The following SPEN variants were observed in gnomAD, a reference collection of about 807,000 sequenced individuals.
The protein encoded by SPEN is spen family transcriptional repressor.
SPEN carries 18 observed loss-of-function variants against 269.9 expected under a neutral mutation model. The observed-to-expected ratio is 0.07, with a 90% CI of 0.05 to 0.10. The LOEUF (loss-of-function observed/expected upper bound fraction) is 0.10. Ranked by LOEUF, SPEN falls within the 10% of genes least tolerant of loss-of-function variation. The pLI is 1.00. For synonymous variants in SPEN, 1,726 were observed against 1,765.7 expected (o/e 0.98, Z 0.56); for missense variants, 3,822 against 4,631.2 (o/e 0.83, Z 5.07).
intron 6 of SPEN, 93 bp from the exon 7 acceptor site, chr1:15,918,833 C>CT (rs1023790405): frequency 9.2e-6 from 10 of 1,084,568 alleles, no homozygotes; most frequent in Admixed American, 2.6e-5. Flanking sequence ...GAGAACATGA[C>CT]TTTTTTGAGA....
At chr1:15,882,078 A>C (rs927704226) in intron 3 of SPEN, among the ~76,000 whole-genome samples, 1 of 152,134 alleles carries the variant, frequency 6.6e-6, no homozygotes, top group African/African-American at 2.4e-5. Context: ...ATGGCAGTCT[A>C]GTTGTGAAGT....
chr1:15,883,506 C>A (rs963857416), intron 3 of SPEN, among the ~76,000 whole-genome samples: 1 of 151,906 alleles, frequency 6.6e-6, no homozygotes, highest in Admixed American at 6.6e-5. Flanking sequence ...ACTGCAACCT[C>A]CACCTCCCGG....
chr1:15,849,479 G>A (rs753982783), intron 1 of SPEN, among the ~76,000 whole-genome samples: 3 of 152,246 alleles, frequency 2.0e-5, no homozygotes, highest in Non-Finnish European at 4.4e-5. Flanking sequence ...GCGTCTGCGC[G>A]TGTCCGCGTG....
Position 15,934,903 on chromosome 1 carries a change from T to C in SPEN, c.8663T>C (p.Leu2888Pro). ...ANVATHSTLV[L>P]TAQTYNASPV... The stretch of plus-strand genomic sequence containing the variant: ...GTGGCCACCCATTCCACGTTGGTAC[T>C]GACCGCCCAGACATATAATGCCTCT... Residue 2888 changes from leucine (L) to proline (P), a missense_variant, in exon 11 of 15, where the codon CTG becomes CCG. Leu to Pro is a moderately conservative substitution (Grantham distance 98). Around this residue, in one of 16 missense-constraint regions of SPEN, gnomAD observed 329 missense variants for 431.2 expected, o/e 0.76. Transcript: ENST00000375759. This position sits in a 1 kb window ranked among gnomAD's most constrained non-coding sequence, Gnocchi z 9.2. The C allele has an allele frequency of 5.0e-6, 8 of 1,614,124 alleles. No homozygotes were observed. Among genetic ancestry groups the C allele is most frequent in the Non-Finnish European group, 6.8e-6 (8 of 1,180,022 alleles).
chr1:15,932,120 C>A lies in SPEN; in HGVS notation c.5880C>A (p.Ala1960=). 1 of 1,613,862 alleles carries A rather than the reference C, an allele frequency of 6.2e-7. No individual in the cohort carries two copies. The highest frequency in any genetic ancestry group is 8.5e-7 in the Non-Finnish European group (1 of 1,179,974). Reference sequence around the variant, plus strand: ...GGCCTCCAAAGACACGCCGGCGAGCCGATGAAGAGGAGGAGAACGAGGCCA... The same window carrying A: ...GGCCTCCAAAGACACGCCGGCGAGCAGATGAAGAGGAGGAGAACGAGGCCA... ...RGRPPKTRRR[A]DEEEENEAKE... The change falls in exon 11 of 15, where the codon GCC becomes GCA. Residue 1960 remains alanine (A), a synonymous_variant. Transcript: ENST00000375759. The surrounding 1 kb of genome is among the most constrained non-coding windows in gnomAD (Gnocchi z 4.2).
chr1:15,877,513 A>G (rs1398196219), intron 3 of SPEN, among the ~76,000 whole-genome samples: 1 of 152,000 alleles, frequency 6.6e-6, no homozygotes, highest in East Asian at 1.9e-4. Flanking sequence ...TGATTTGCCC[A>G]CCTCATCCTC....
intron 4 of SPEN, 59 bp downstream of exon 4, chr1:15,909,540 A>G (rs1008228075): frequency 1.6e-5 from 23 of 1,460,638 alleles, no homozygotes; most frequent in Non-Finnish European, 2.1e-5. Flanking sequence ...GAGGTATGAT[A>G]CTGCATTACA....
chr1:15,907,319 TA>T (rs1442374604), intron 3 of SPEN, among the ~76,000 whole-genome samples: 1 of 151,848 alleles, frequency 6.6e-6, no homozygotes, highest in Admixed American at 6.6e-5. Flanking sequence ...CTGTCTCCAC[TA>T]AAAATATAAA....
chr1:15,878,748 G>A (rs1388564827), intron 3 of SPEN, among the ~76,000 whole-genome samples: 2 of 152,082 alleles, frequency 1.3e-5, no homozygotes, highest in African/African-American at 2.4e-5. Context: ...GCTCACTCAC[G>A]CCTGTAATCC....
intron 1 of SPEN, among the ~76,000 whole-genome samples, chr1:15,850,427 C>G (rs953346798): frequency 2.0e-5 from 3 of 150,974 alleles, no homozygotes; most frequent in African/African-American, 7.3e-5. Flanking sequence ...TTAAACAAAT[C>G]TATTTAGTTG....
intron 3 of SPEN, among the ~76,000 whole-genome samples, chr1:15,908,189 A>AC (rs2070978474): frequency 6.6e-6 from 1 of 151,448 alleles, no homozygotes; most frequent in African/African-American, 2.5e-5. Flanking sequence ...ACTACTACTA[A>AC]CAGTAACTGA....
chr1:15,890,619 A>T (rs1364390127), intron 3 of SPEN, among the ~76,000 whole-genome samples: 1 of 146,916 alleles, frequency 6.8e-6, no homozygotes, highest in Non-Finnish European at 1.5e-5. Context: ...CTGGAGTGCA[A>T]TCTCTGCTCA....
chr1:15,869,872 A>AT (rs138543685), intron 1 of SPEN, among the ~76,000 whole-genome samples: 80 of 130,776 alleles, frequency 6.1e-4, no homozygotes, highest in East Asian at 6.1e-3. Context: ...ATAGTTATTG[A>AT]TTTTTTTTTT....
chr1:15,870,351 C>T (rs1001596177), intron 1 of SPEN, among the ~76,000 whole-genome samples: 1 of 152,158 alleles, frequency 6.6e-6, no homozygotes, highest in African/African-American at 2.4e-5. Flanking sequence ...GCTTGACACT[C>T]GTCCTCATTT....
intron 6 of SPEN, among the ~76,000 whole-genome samples, chr1:15,916,541 C>T (rs1159819673): frequency 1.6e-5 from 2 of 122,612 alleles, no homozygotes; most frequent in African/African-American, 6.4e-5. Context: ...GACAGAGTAT[C>T]ACTCTGTCTC....
rs181148747 is a variant in SPEN, at chr1:15,927,779, G to A, written c.1851-312G>A. ...AATTTTCTAGTAGCCACATTAAAAA[G>A]ACAAAGTGAAATTTTCTTTAATATA... is the stretch of plus-strand genomic sequence containing the variant. On this transcript the variant is annotated intron_variant, in intron 10 of 14. Transcript: ENST00000375759. Among the ~76,000 whole-genome samples, 335 of 152,248 alleles carry A rather than the reference G, an allele frequency of 2.2e-3. 1 individual carries two copies. Among genetic ancestry groups the A allele is most frequent in the African/African-American group, 7.7e-3 (319 of 41,558 alleles).
intron 10 of SPEN, among the ~76,000 whole-genome samples, chr1:15,926,878 G>C (rs2071172606): frequency 6.6e-6 from 1 of 152,102 alleles, no homozygotes; most frequent in South Asian, 2.1e-4. Context: ...ATTTTTAGTA[G>C]AGATGGGGTT....
chr1:15,916,412 T>C, intron 6 of SPEN, 133 bp downstream of exon 6: 1 of 925,980 alleles, frequency 1.1e-6, no homozygotes, highest in Non-Finnish European at 1.5e-6. Flanking sequence ...TAGCTCTTGC[T>C]AAAAGATAAT....
intron 1 of SPEN, among the ~76,000 whole-genome samples, chr1:15,863,906 G>T (rs1165477916): frequency 6.6e-6 from 1 of 152,112 alleles, no homozygotes; most frequent in African/African-American, 2.4e-5. Flanking sequence ...ATAGCCAAAA[G>T]GTGAATGCAT....
Sources: gnomAD v4.1 joint callset for allele counts (sites outside exome capture counted in the v4.1 genomes callset) on GRCh38, gnomAD v4.1.1 for gene constraint, gnomAD v4.1.1 regional missense constraint, Gnocchi (gnomAD v3.1) non-coding constraint, MANE v1.5 for transcripts, NCBI Gene and HGNC (gene_info 2026-07-23, HGNC 2026-07-21) for gene names.